Variants in PALM2AKAP2 observed in about 807,000 individuals in gnomAD.
PALM2AKAP2 encodes the protein PALM2-AKAP2 fusion protein.
PALM2AKAP2 carries 37 observed loss-of-function variants against 71.5 expected under a neutral mutation model. The observed-to-expected ratio is 0.52, with a 90% CI of 0.40 to 0.68. PALM2AKAP2 has a LOEUF of 0.68. Among genes scored for constraint, PALM2AKAP2 ranks in the 30% least tolerant of loss-of-function variants. PALM2AKAP2 has a pLI of 0.00. For missense variants in PALM2AKAP2, 1,224 were observed against 1,191.8 expected (o/e 1.03, Z -0.40); for synonymous variants, 468 against 478.8 (o/e 0.98, Z 0.29).
intron 6 of PALM2AKAP2, among the ~76,000 whole-genome samples, chr9:109,965,799 A>G (rs889088424): frequency 2.0e-5 from 3 of 152,204 alleles, no homozygotes; most frequent in South Asian, 4.1e-4. Flanking sequence ...TCAGGGGGAA[A>G]AAAAAGAGCT....
chr9:110,115,841 C>T (rs1171112334), intron 1 of PALM2AKAP2, among the ~76,000 whole-genome samples: 1 of 152,160 alleles, frequency 6.6e-6, no homozygotes, highest in Non-Finnish European at 1.5e-5. Context: ...TCCATCAGAT[C>T]AAACCATTTT....
chr9:109,806,065 C>T (rs1445372982), intron 1 of PALM2AKAP2, among the ~76,000 whole-genome samples: 1 of 152,220 alleles, frequency 6.6e-6, no homozygotes, highest in East Asian at 1.9e-4. Flanking sequence ...ATCTGATTTC[C>T]TCACTGCCTG....
At chr9:109,783,019 A>G (rs1048666876) in intron 1 of PALM2AKAP2, among the ~76,000 whole-genome samples, 1 of 152,042 alleles carries the variant, frequency 6.6e-6, no homozygotes, top group African/African-American at 2.4e-5. Flanking sequence ...GAAGAAGACA[A>G]TAGGTCCTCA....
chr9:110,046,387 T>G (rs575091073), upstream of PALM2AKAP2, among the ~76,000 whole-genome samples: 1 of 152,206 alleles, frequency 6.6e-6, no homozygotes, highest in South Asian at 2.1e-4. Context: ...TCTAGAACTT[T>G]AAAATTAATA....
intron 1 of PALM2AKAP2, among the ~76,000 whole-genome samples, chr9:110,097,470 C>A (rs1834877962): frequency 6.6e-6 from 1 of 151,978 alleles, no homozygotes; most frequent in African/African-American, 2.4e-5. Context: ...CTGTTGGGTA[C>A]ACCTCCCAGA....
intron 1 of PALM2AKAP2, among the ~76,000 whole-genome samples, chr9:109,858,099 A>C (rs778282629): frequency 6.6e-6 from 1 of 152,178 alleles, no homozygotes; most frequent in Non-Finnish European, 1.5e-5. Context: ...GCTGTATCTC[A>C]TTTCAATCCT....
In PALM2AKAP2 at chr9:109,883,330, T is replaced by C. The variant is rs144756753; in HGVS notation, c.257+2649T>C. ...CCAAGCCAGAGGAAGGAAATCACAA[T>C]AGCCTACAGGGGTGGATGGTGAGGC... On this transcript the variant is annotated intron_variant, in intron 3 of 9. Coordinates refer to the PALM2AKAP2 transcript ENST00000302798. 3.3e-3 allele frequency among the ~76,000 whole-genome samples: 503 copies of C among 152,298 alleles called. 5 individuals carry two copies. The highest frequency in any genetic ancestry group is 0.011 in the African/African-American group (477 of 41,566).
chr9:110,113,199 T>TTTG (rs757260198), intron 1 of PALM2AKAP2, among the ~76,000 whole-genome samples: 1 of 152,062 alleles, frequency 6.6e-6, no homozygotes, highest in East Asian at 1.9e-4. Context: ...GGTTTTTATT[T>TTTG]TTGTTGTTGT....
chr9:109,884,376 C>T (rs1393297916), intron 3 of PALM2AKAP2, among the ~76,000 whole-genome samples: 2 of 152,128 alleles, frequency 1.3e-5, no homozygotes, highest in Non-Finnish European at 2.9e-5. Context: ...GCACGAGAAT[C>T]GCTTGAACCC....
intron 3 of PALM2AKAP2, among the ~76,000 whole-genome samples, chr9:109,891,346 C>A (rs1830083507): frequency 6.6e-6 from 1 of 152,210 alleles, no homozygotes; most frequent in Admixed American, 6.5e-5. Context: ...GCTTCTTGGT[C>A]TCCACGTGCC....
At chr9:109,929,756 C>G (rs1831048666) in intron 5 of PALM2AKAP2, among the ~76,000 whole-genome samples, 1 of 146,978 alleles carries the variant, frequency 6.8e-6, no homozygotes. Flanking sequence ...CCCAGCTACT[C>G]GGGAGGCTGA....
chr9:109,670,398 C>T (rs1337875077), intron 1 of PALM2AKAP2, among the ~76,000 whole-genome samples: 1 of 152,170 alleles, frequency 6.6e-6, no homozygotes, highest in Non-Finnish European at 1.5e-5. Context: ...TGTTAATTTG[C>T]TATGGATAAT....
At chr9:109,744,915 A>G (rs1253591020) in intron 1 of PALM2AKAP2, among the ~76,000 whole-genome samples, 1 of 152,104 alleles carries the variant, frequency 6.6e-6, no homozygotes, top group African/African-American at 2.4e-5. Flanking sequence ...TCTCTTCCGG[A>G]AGACTCTAGG....
At chr9:110,166,811 A>G (rs1354566938) in intron 3 of PALM2AKAP2, among the ~76,000 whole-genome samples, 3 of 152,160 alleles carry the variant, frequency 2.0e-5, no homozygotes, top group South Asian at 2.1e-4. Context: ...TCTACCCACA[A>G]TCTGCTTATG....
intron 2 of PALM2AKAP2, among the ~76,000 whole-genome samples, chr9:110,150,798 G>A (rs1836293491): frequency 6.6e-6 from 1 of 152,194 alleles, no homozygotes; most frequent in Non-Finnish European, 1.5e-5. Flanking sequence ...AACCCAGGCA[G>A]TCTGGCTCTC....
chr9:110,078,057 AG>A (rs1834359981), intron 1 of PALM2AKAP2, among the ~76,000 whole-genome samples: 1 of 152,038 alleles, frequency 6.6e-6, no homozygotes, highest in African/African-American at 2.4e-5. Context: ...TAGGCCTTGC[AG>A]GCCATATGGT....
intron 6 of PALM2AKAP2, among the ~76,000 whole-genome samples, chr9:109,997,049 C>T (rs113983728): frequency 3.3e-5 from 5 of 151,884 alleles, no homozygotes; most frequent in East Asian, 1.9e-4. Flanking sequence ...TTTAACTGGG[C>T]GTGGTGGCAT....
At chr9:109,996,210 T>C (rs557743721) in intron 6 of PALM2AKAP2, among the ~76,000 whole-genome samples, 1 of 152,340 alleles carries the variant, frequency 6.6e-6, no homozygotes, top group Non-Finnish European at 1.5e-5. Context: ...AAATGTTAAA[T>C]ATGTTTCCAG....
intron 3 of PALM2AKAP2, among the ~76,000 whole-genome samples, chr9:110,161,673 T>C (rs1836602283): frequency 6.6e-6 from 1 of 152,030 alleles, no homozygotes; most frequent in African/African-American, 2.4e-5. Flanking sequence ...GAACAACAGG[T>C]TACAAGACGG....
Sources: gnomAD v4.1 joint callset for allele counts (sites outside exome capture counted in the v4.1 genomes callset) on GRCh38, gnomAD v4.1.1 for gene constraint, MANE v1.5 for transcripts, NCBI Gene and HGNC (gene_info 2026-07-23, HGNC 2026-07-21) for gene names.